Variants in CNTLN observed in about 807,000 individuals in gnomAD.
The protein encoded by CNTLN is centlein, also known as centlein, centrosomal protein.
In CNTLN, 212 loss-of-function variants were observed where a neutral mutation model predicts 180.0. The ratio of observed to expected loss-of-function variants is 1.18; its 90% CI spans 1.05 to 1.32. CNTLN has a LOEUF of 1.32. CNTLN is among the 40% of genes most tolerant of loss of function. CNTLN has a pLI of 0.00. For missense variants in CNTLN, 2,095 were observed against 1,610.9 expected, an observed-to-expected ratio of 1.30 and a Z score of -5.14; for synonymous variants, 722 against 563.1, an observed-to-expected ratio of 1.28 and a Z score of -3.99.
At chr9:17,461,264 G>C (rs1831430946) in intron 19 of CNTLN, among the ~76,000 whole-genome samples, 1 of 151,468 alleles carries the variant, frequency 6.6e-6, no homozygotes, top group Non-Finnish European at 1.5e-5. Flanking sequence ...ACAATCATCA[G>C]AGAAAGAATT....
intron 25 of CNTLN, among the ~76,000 whole-genome samples, chr9:17,502,059 A>C (rs1316900784): frequency 6.6e-6 from 1 of 151,866 alleles, no homozygotes; most frequent in African/African-American, 2.4e-5. Context: ...CAACTTAATC[A>C]ATGGGTATAC....
intron 2 of CNTLN, among the ~76,000 whole-genome samples, chr9:17,215,002 C>A (rs1823630348): frequency 1.3e-5 from 2 of 152,222 alleles, no homozygotes; most frequent in South Asian, 2.1e-4. Context: ...GTTCGAACTT[C>A]CTCCTTTAGC....
At position 17,322,387 on chromosome 9, in the gene CNTLN, C is replaced by T. The variant is rs879149520; in HGVS notation, c.1342-8245C>T. On this transcript the variant is annotated intron_variant, in intron 8 of 25. Transcript: ENST00000380647. ...CACAAAATTTGAACTTGTTATCATT[C>T]AACTCCACTATCCTGCATGAAAAAT... Among the ~76,000 whole-genome samples the T allele has an allele frequency of 5.3e-5, 8 of 152,102 alleles. 1 individual carries two copies. The highest frequency in any genetic ancestry group is 3.9e-4 in the Admixed American group (6 of 15,276).
chr9:17,269,031 GCTGCACCCACTGTC>G (rs1254835795), intron 5 of CNTLN, among the ~76,000 whole-genome samples: 1 of 151,936 alleles, frequency 6.6e-6, no homozygotes, highest in Non-Finnish European at 1.5e-5. Flanking sequence ...CGCACGGTGC[GCTGCACCCACTGTC>G]CTGCACCCAC....
intron 2 of CNTLN, among the ~76,000 whole-genome samples, chr9:17,189,706 C>T (rs891881917): frequency 6.6e-6 from 1 of 151,714 alleles, no homozygotes; most frequent in African/African-American, 2.4e-5. Flanking sequence ...AGGCTGGTCT[C>T]GAACTCCTAA....
In CNTLN at chr9:17,304,745, A is replaced by G. The variant is rs1818592102; in HGVS notation, c.1147-4313A>G. ...AATACAACAATAAAAATTAATAAGA[A>G]AAAGTATAACAACTATTTACATAGT... On this transcript the variant is annotated intron_variant, in intron 7 of 25. Transcript: ENST00000380647. 2.0e-5 allele frequency among the ~76,000 whole-genome samples: 3 copies of G among 152,174 alleles called. No individual in the cohort carries two copies. In the South Asian group the frequency reaches 6.2e-4, roughly 31 times the overall value.
chr9:17,475,729 T>C (rs1342792591), intron 23 of CNTLN, among the ~76,000 whole-genome samples: 1 of 151,892 alleles, frequency 6.6e-6, no homozygotes, highest in Non-Finnish European at 1.5e-5. Flanking sequence ...AAAAATTAGC[T>C]GGGCATGGTG....
At chr9:17,442,311 AG>A (rs536000791) in intron 18 of CNTLN, among the ~76,000 whole-genome samples, 7 of 152,326 alleles carry the variant, frequency 4.6e-5, no homozygotes, top group Non-Finnish European at 1.0e-4. Flanking sequence ...AAATAATACA[AG>A]GTATCTTTTC....
chr9:17,264,162 T>C (rs1422529628), intron 5 of CNTLN, among the ~76,000 whole-genome samples: 1 of 143,504 alleles, frequency 7.0e-6, no homozygotes, highest in Non-Finnish European at 1.5e-5. Flanking sequence ...TCTTCTAGGG[T>C]TTTTATGGTT....
At chr9:17,440,602 A>G (rs868558847) in intron 18 of CNTLN, among the ~76,000 whole-genome samples, 7 of 151,418 alleles carry the variant, frequency 4.6e-5, no homozygotes, top group Non-Finnish European at 8.8e-5. Context: ...AAAAAAAAAA[A>G]GAACTGAAAA....
chr9:17,202,644 C>CTGTTTTTT (rs749871137), intron 2 of CNTLN, among the ~76,000 whole-genome samples: 16 of 87,094 alleles, frequency 1.8e-4, no homozygotes, highest in African/African-American at 7.4e-4. Flanking sequence ...ATTGCAACCT[C>CTGTTTTTT]TGTTTTTTTT....
chr9:17,527,380 G>T, the CNTLN span, among the ~76,000 whole-genome samples: 1 of 152,126 alleles, frequency 6.6e-6, no homozygotes, highest in South Asian at 2.1e-4. Context: ...TTTCAAGCAG[G>T]CTATACTATC....
At chr9:17,466,566 G>A in intron 22 of CNTLN, 140 bp from the exon 23 acceptor site, 1 of 652,660 alleles carries the variant, frequency 1.5e-6, no homozygotes, top group African/African-American at 1.9e-5. Flanking sequence ...GAAAGTTAAT[G>A]AAAATAATCA....
At chr9:17,136,245 C>T (rs1251305956) in intron 1 of CNTLN, among the ~76,000 whole-genome samples, 1 of 152,126 alleles carries the variant, frequency 6.6e-6, no homozygotes, top group African/African-American at 2.4e-5. Context: ...ACTCACTGAA[C>T]AGTAGATCTT....
chr9:17,177,712 G>C (rs1004082766), intron 2 of CNTLN, among the ~76,000 whole-genome samples: 2 of 151,990 alleles, frequency 1.3e-5, no homozygotes, highest in East Asian at 3.9e-4. Flanking sequence ...TTGTGGTCTC[G>C]ATGGCTTCAG....
At chr9:17,324,023 A>G (rs181986282) in intron 8 of CNTLN, among the ~76,000 whole-genome samples, 37 of 152,344 alleles carry the variant, frequency 2.4e-4, no homozygotes, top group South Asian at 8.3e-4. Context: ...ATGCATAGTT[A>G]GCAGATTGAA....
At chr9:17,211,238 T>C (rs1197077524) in intron 2 of CNTLN, among the ~76,000 whole-genome samples, 10 of 152,150 alleles carry the variant, frequency 6.6e-5, no homozygotes, top group Non-Finnish European at 1.5e-4. Context: ...TAGTACAAGG[T>C]GTAAGGAAGG....
chr9:17,170,025 T>C (rs1489655582), intron 2 of CNTLN, among the ~76,000 whole-genome samples: 2 of 152,200 alleles, frequency 1.3e-5, no homozygotes, highest in African/African-American at 2.4e-5. Flanking sequence ...TTCGAATCCA[T>C]GAGCTATTTT....
intron 23 of CNTLN, among the ~76,000 whole-genome samples, chr9:17,474,268 T>G (rs780557942): frequency 2.2e-4 from 33 of 152,156 alleles, no homozygotes; most frequent in Non-Finnish European, 3.5e-4. Context: ...TACAAAAAAG[T>G]TGAAAAAAAA....
Sources: gnomAD v4.1 joint callset for allele counts (sites outside exome capture counted in the v4.1 genomes callset) on GRCh38, gnomAD v4.1.1 for gene constraint, MANE v1.5 for transcripts, NCBI Gene and HGNC (gene_info 2026-07-23, HGNC 2026-07-21) for gene names.